The following ALDH3A2 variants were observed in gnomAD, a reference collection of about 807,000 sequenced individuals.
ALDH3A2 encodes the protein aldehyde dehydrogenase family 3 member A2.
In ALDH3A2, 36 loss-of-function variants were observed where a neutral mutation model predicts 51.3. The observed-to-expected ratio is 0.70, with a 90% CI of 0.54 to 0.93. ALDH3A2 has a LOEUF of 0.93. Ranked by LOEUF, ALDH3A2 falls within the 40% of genes least tolerant of loss-of-function variation. The pLI is 0.00. For missense variants in ALDH3A2, 552 were observed against 603.1 expected (o/e 0.92, Z 0.89); for synonymous variants, 199 against 219.8 (o/e 0.91, Z 0.84).
intron 4 of ALDH3A2, among the ~76,000 whole-genome samples, chr17:19,657,497 C>A (rs1361222522): frequency 6.6e-6 from 1 of 152,204 alleles, no homozygotes; most frequent in Non-Finnish European, 1.5e-5. Context: ...CACTGTTTAC[C>A]AAGTACTGTT....
At chr17:19,674,413 A>G (rs1043163174) in intron 9 of ALDH3A2, 4 of 152,214 alleles carry the variant, frequency 2.6e-5, no homozygotes, top group Admixed American at 2.0e-4. Context: ...TCGAGTTCCC[A>G]AAGGGTTTGG....
intron 9 of ALDH3A2, chr17:19,673,312 G>A: frequency 6.2e-7 from 1 of 1,609,628 alleles, no homozygotes; most frequent in African/African-American, 1.3e-5. Context: ...ATGTAAGGTG[G>A]GCCAAGTTGG....
At chr17:19,668,084 C>T (rs1044089531) in intron 8 of ALDH3A2, among the ~76,000 whole-genome samples, 28 of 152,130 alleles carry the variant, frequency 1.8e-4, no homozygotes, top group African/African-American at 6.8e-4. Flanking sequence ...TTACCACTCT[C>T]ATGAATTTTC....
At chr17:19,673,684 C>A (rs1597575553) in intron 9 of ALDH3A2, among the ~76,000 whole-genome samples, 1 of 152,122 alleles carries the variant, frequency 6.6e-6, no homozygotes, top group African/African-American at 2.4e-5. Context: ...TGCCACTGCA[C>A]TCCACCCTGG....
At chr17:19,651,924 T>C in intron 2 of ALDH3A2, 146 bp downstream of exon 2, 3 of 751,990 alleles carry the variant, frequency 4.0e-6, no homozygotes, top group Non-Finnish European at 6.7e-6. Context: ...AATTCATACA[T>C]ACCATACATA....
intron 8 of ALDH3A2, 56 bp downstream of exon 8, chr17:19,665,103 T>A: frequency 6.9e-7 from 1 of 1,449,746 alleles, no homozygotes; most frequent in Non-Finnish European, 9.7e-7. Flanking sequence ...CACCATTTCA[T>A]GAGTGGATTG....
At chr17:19,660,850 G>A (rs781750712) in intron 5 of ALDH3A2, among the ~76,000 whole-genome samples, 1 of 152,190 alleles carries the variant, frequency 6.6e-6, no homozygotes, top group Non-Finnish European at 1.5e-5. Flanking sequence ...GGAGGTGAAG[G>A]CCTGTGGGTG....
chr17:19,653,797 G>A (rs956674537), intron 3 of ALDH3A2, among the ~76,000 whole-genome samples: 1 of 152,172 alleles, frequency 6.6e-6, no homozygotes, highest in Non-Finnish European at 1.5e-5. Context: ...GCTGGCTTGG[G>A]CAGCCTGCTT....
rs979836042 is a variant in ALDH3A2 at position 19,675,989 on chromosome 17, C to T, written c.*417C>T. On this transcript the variant is annotated 3_prime_UTR_variant, in exon 10 of 10. Transcript: ENST00000176643. Reference sequence around the variant, plus strand: ...AGAGCTTGGTACTTCCCAGGGCTACCGGCAGTCCTCTGTAGTCCAGAGAGG... The same window carrying T: ...AGAGCTTGGTACTTCCCAGGGCTACTGGCAGTCCTCTGTAGTCCAGAGAGG... The T allele has an allele frequency of 5.9e-5, 15 of 256,090 alleles. No individual in the cohort carries two copies. The highest frequency in any genetic ancestry group is 1.1e-4 in the East Asian group (1 of 9,464). The allele number at this position is 256,090 out of a possible 1,614,324, so 15.9% of individuals were successfully genotyped here.
chr17:19,651,143 G>A (rs1413965368), intron 1 of ALDH3A2, among the ~76,000 whole-genome samples: 1 of 152,202 alleles, frequency 6.6e-6, no homozygotes, highest in African/African-American at 2.4e-5. Context: ...AAACCAGTGT[G>A]TTAAGGATGA....
chr17:19,667,746 AC>A (rs1477261484), intron 8 of ALDH3A2, among the ~76,000 whole-genome samples: 1 of 152,076 alleles, frequency 6.6e-6, no homozygotes, highest in African/African-American at 2.4e-5. Context: ...TTTAGTAGAG[AC>A]ACGGTTTTGC....
chr17:19,670,755 A>G (rs892230273), intron 8 of ALDH3A2, among the ~76,000 whole-genome samples: 1 of 152,052 alleles, frequency 6.6e-6, no homozygotes, highest in African/African-American at 2.4e-5. Flanking sequence ...TAGAGACGGG[A>G]TTTAACGATG....
Position 19,649,118 on chromosome 17 carries a change from G to T in ALDH3A2, c.147G>T (p.Leu49=). ...KDILTAIAAD[L]CKSEFNVYSQ... Reference sequence around the variant, plus strand: ...TCCTGACGGCCATCGCCGCCGACCTGTGCAAGGTACGCACGCGTGCGGCGG... The same window carrying T: ...TCCTGACGGCCATCGCCGCCGACCTTTGCAAGGTACGCACGCGTGCGGCGG... Residue 49 remains leucine, a synonymous_variant, in exon 1 of 10, where the codon CTG becomes CTT. Coordinates refer to ENST00000176643, the MANE Select transcript of ALDH3A2 (RefSeq NM_000382.3). The T allele has an allele frequency of 1.3e-6, 2 of 1,571,476 alleles. No homozygotes were observed. Among genetic ancestry groups the T allele is most frequent in the Non-Finnish European group, 1.7e-6 (2 of 1,158,326 alleles).
chr17:19,670,537 T>G (rs1390806525), intron 8 of ALDH3A2, among the ~76,000 whole-genome samples: 1 of 151,620 alleles, frequency 6.6e-6, no homozygotes, highest in Non-Finnish European at 1.5e-5. Flanking sequence ...ACCTTGGTTA[T>G]GTCTTTGGCT....
chr17:19,662,144 C>T (rs1370223133), intron 6 of ALDH3A2: 1 of 152,166 alleles, frequency 6.6e-6, no homozygotes, highest in East Asian at 1.9e-4. Context: ...TTCTCCCATC[C>T]TCAGCATGTC....
At chr17:19,660,335 C>G (rs61631401) in intron 5 of ALDH3A2, among the ~76,000 whole-genome samples, 40,803 of 151,844 alleles carry the variant, frequency 0.27, 6,097 homozygotes, top group East Asian at 0.52. Flanking sequence ...AGTCAGAGCC[C>G]AGGCACATGC....
Position 19,675,700 on chromosome 17 carries a change from T to A in ALDH3A2, c.*128T>A. On this transcript the variant is annotated 3_prime_UTR_variant, in exon 10 of 10. Coordinates refer to ENST00000176643, the MANE Select transcript of ALDH3A2 (RefSeq NM_000382.3). ...ATATGCAAACACTCTGTGATCAAACTTAAAAGTCATTGCCATTCATCATTA... is the reference window on the plus strand; with the variant it reads ...ATATGCAAACACTCTGTGATCAAACATAAAAGTCATTGCCATTCATCATTA... 9.3e-7 allele frequency: 1 copy of A among 1,071,738 alleles called. No individual in the cohort carries two copies. The highest frequency in any genetic ancestry group is 1.4e-6 in the Non-Finnish European group (1 of 694,912). The allele number at this position is 1,071,738 out of a possible 1,614,324, so 66.4% of individuals were successfully genotyped here. A position where few individuals can be genotyped will look rare whatever the true frequency, so the allele number is the denominator to read the frequency against.
chr17:19,650,899 A>G (rs112167573), intron 1 of ALDH3A2, among the ~76,000 whole-genome samples: 1 of 152,184 alleles, frequency 6.6e-6, no homozygotes, highest in Non-Finnish European at 1.5e-5. Context: ...CAACTATGAA[A>G]TTTCTTTTAG....
rs558522000 is a variant in ALDH3A2, at chr17:19,659,155, C to T, written c.798+1293C>T. ...CTGAGGCACAAGAATTGCTTGAACC[C>T]GGGAGGTGGAGCTTGCAGTGAGCCA... is the stretch of plus-strand genomic sequence containing the variant. On this transcript the variant is annotated intron_variant, in intron 5 of 9. Coordinates refer to ENST00000176643, the MANE Select transcript of ALDH3A2 (RefSeq NM_000382.3). Among the ~76,000 whole-genome samples the T allele has an allele frequency of 3.5e-4, 54 of 152,116 alleles. 1 individual carries two copies. In the South Asian group the frequency reaches 0.011, roughly 30 times the overall value.
Sources: gnomAD v4.1 joint callset for allele counts (sites outside exome capture counted in the v4.1 genomes callset) on GRCh38, gnomAD v4.1.1 for gene constraint, MANE v1.5 for transcripts, NCBI Gene and HGNC (gene_info 2026-07-23, HGNC 2026-07-21) for gene names.